ZNF780A: variants seen among roughly 807,000 people sequenced by gnomAD.
ZNF780A encodes zinc finger protein 780A.
A neutral mutation model predicts 56.7 loss-of-function variants in ZNF780A; 40 were observed. The ratio of observed to expected loss-of-function variants is 0.71; its 90% CI spans 0.55 to 0.92. ZNF780A has a LOEUF of 0.92. ZNF780A is among the 40% of genes least tolerant of loss of function. The probability of loss-of-function intolerance (pLI) is 0.00; values close to 1 mark genes in which losing one functional copy is unlikely to be tolerated. For missense variants in ZNF780A, 672 were observed against 783.3 expected (o/e 0.86, Z 1.70); for synonymous variants, 231 against 248.3 (o/e 0.93, Z 0.66).
At position 40,073,162 on chromosome 19, in the gene ZNF780A, A is replaced by C; in HGVS notation, c.*1354T>G. ...CAATGGTACAACAAATATACAAAAAATAAACGTGCAAATTGTTAACAATTT... is the reference window on the plus strand; with the variant it reads ...CAATGGTACAACAAATATACAAAAACTAAACGTGCAAATTGTTAACAATTT... On this transcript the variant is annotated 3_prime_UTR_variant, in exon 6 of 6. Transcript: ENST00000683561. The C allele has an allele frequency of 1.9e-6, 2 of 1,029,324 alleles. No individual in the cohort carries two copies. Among genetic ancestry groups the C allele is most frequent in the Non-Finnish European group, 2.5e-6 (2 of 791,556 alleles). 63.8% of individuals were successfully genotyped at this position (1,029,324 alleles called of 1,614,324 possible).
chr19:40,072,207 C>T (rs976165549), downstream of ZNF780A: 6 of 230,610 alleles, frequency 2.6e-5, no homozygotes, highest in Admixed American at 4.1e-5. Context: ...TCGAAGGCAC[C>T]CCTCCAGAGG....
chr19:40,076,342 A>G, intron 5 of ZNF780A, 133 bp from the exon 6 acceptor site: 2 of 890,802 alleles, frequency 2.2e-6, no homozygotes, highest in African/African-American at 3.4e-5. Context: ...AAACCAACAA[A>G]GTTGGTAGAT....
Position 40,076,023 on chromosome 19 carries a change from T to G in ZNF780A, c.419A>C (p.Gln140Pro), listed in dbSNP as rs1974115770. 1 of 1,613,386 alleles carries G rather than the reference T, an allele frequency of 6.2e-7. No individual in the cohort carries two copies. Among genetic ancestry groups the G allele is most frequent in the Admixed American group, 1.7e-5 (1 of 59,880 alleles). The change falls in exon 6 of 6, where the codon CAA becomes CCA. Residue 140 changes from glutamine to proline, a missense_variant. Transcript: ENST00000683561. ...LQGYQEGNIN[Q>P]KMISYEKLPT... ...CAGTTTTTCATAGCTGATCATCTTT[T>G]GATTGATATTTCCTTCTTGATATCC...
intron 5 of ZNF780A, 55 bp downstream of exon 5, chr19:40,081,764 G>A: frequency 6.9e-7 from 1 of 1,456,138 alleles, no homozygotes. Context: ...ACTCCTTTCT[G>A]AGCACATGTC....
In ZNF780A at chr19:40,074,195, G is replaced by A. The variant is rs141846160; in HGVS notation, c.*321C>T. 489 of 1,375,948 alleles carry A rather than the reference G, an allele frequency of 3.6e-4. 6 individuals carry two copies. The African/African-American group carries it at 6.2e-3, about 17-fold the overall frequency. 85.2% of individuals were successfully genotyped at this position (1,375,948 alleles called of 1,614,324 possible). A position where few individuals can be genotyped will look rare whatever the true frequency, so the allele number is the denominator to read the frequency against. On this transcript the variant is annotated 3_prime_UTR_variant, in exon 6 of 6. Coordinates refer to ENST00000683561, the MANE Select transcript of ZNF780A (RefSeq NM_001142578.2). ...ATTTCTCAAATTCAAATGGCTTCTC[G>A]CCAGTATGAATGACCTGAAGTCCAG...
In ZNF780A at chr19:40,074,254, A is replaced by G. The variant is rs191350184; in HGVS notation, c.*262T>C. On this transcript the variant is annotated 3_prime_UTR_variant, in exon 6 of 6. Coordinates refer to ENST00000683561, the MANE Select transcript of ZNF780A (RefSeq NM_001142578.2). ...GTCAGAAAACTGAAGGCCTTTCCAC[A>G]TTCTTTACATTCAAAGGGTTTTTTA... The G allele has an allele frequency of 8.9e-6, 13 of 1,464,340 alleles. No individual in the cohort carries two copies. The African/African-American group carries it at 1.3e-4, about 14-fold the overall frequency. 90.7% of individuals were successfully genotyped at this position (1,464,340 alleles called of 1,614,324 possible).
chr19:40,084,663 A>C (rs1974680057), intron 3 of ZNF780A, 82 bp downstream of exon 3: 2 of 1,405,390 alleles, frequency 1.4e-6, no homozygotes, highest in Non-Finnish European at 1.9e-6. Context: ...AATTCTAGGT[A>C]CGAAGCTTCA....
Position 40,074,876 on chromosome 19 carries a change from A to G in ZNF780A, c.1566T>C (p.Thr522=), listed in dbSNP as rs762634068. ...ATTCAAATGGTTTTTCACCTGTGTGAGTTTTCTGATGTTGGGAAAGTTGTA... is the reference window on the plus strand; with the variant it reads ...ATTCAAATGGTTTTTCACCTGTGTGGGTTTTCTGATGTTGGGAAAGTTGTA... The part of the protein sequence containing the change: ...LYLQLSQHQK[T]HTGEKPFECK... The change falls in exon 6 of 6, where the codon ACT becomes ACC. Residue 522 remains threonine (T), a synonymous_variant. Transcript: ENST00000683561. 2 of 1,614,046 alleles carry G rather than the reference A, an allele frequency of 1.2e-6. No individual in the cohort carries two copies. The highest frequency in any genetic ancestry group is 4.5e-5 in the East Asian group (2 of 44,856).
chr19:40,089,403 A>G, intron 2 of ZNF780A: 1 of 902,336 alleles, frequency 1.1e-6, no homozygotes, highest in East Asian at 2.9e-5. Context: ...ACATATTCCC[A>G]ATGCTCCTGT....
In ZNF780A at chr19:40,073,139, AT is replaced by A; in HGVS notation, c.*1376del. On this transcript the variant is annotated 3_prime_UTR_variant, in exon 6 of 6. Transcript: ENST00000683561. ...TCATGATGTCTAAAACTTATTCTCA[AT>A]GGTACAACAAATATACAAAAAATAA... is the stretch of plus-strand genomic sequence containing the variant. The A allele has an allele frequency of 8.7e-7, 1 of 1,151,428 alleles. No individual in the cohort carries two copies. Among genetic ancestry groups the A allele is most frequent in the Non-Finnish European group, 1.1e-6 (1 of 893,954 alleles). 71.3% of individuals were successfully genotyped at this position (1,151,428 alleles called of 1,614,324 possible).
Position 40,074,571 on chromosome 19 carries a change from A to G in ZNF780A, c.1871T>C (p.Leu624Pro). 1.9e-6 allele frequency: 3 copies of G among 1,614,034 alleles called. No homozygotes were observed. The highest frequency in any genetic ancestry group is 2.5e-6 in the Non-Finnish European group (3 of 1,179,974). ...ECKECGKVFS[L>P]PTQLNRHKNI... ...CTTATGGCGATTAAGCTGGGTGGGA[A>G]GACTAAAAACCTTTCCACATTCCTT... is the stretch of plus-strand genomic sequence containing the variant. The change falls in exon 6 of 6, where the codon CTT becomes CCT. Residue 624 changes from leucine (L) to proline (P), a missense_variant. Coordinates refer to ENST00000683561, the MANE Select transcript of ZNF780A (RefSeq NM_001142578.2).
chr19:40,089,614 C>A (rs1183736472), intron 2 of ZNF780A, among the ~76,000 whole-genome samples: 2 of 139,242 alleles, frequency 1.4e-5, no homozygotes, highest in African/African-American at 3.0e-5. Context: ...CTGCCTCTCA[C>A]AGTACACACA....
At position 40,074,404 on chromosome 19, in the gene ZNF780A, A is replaced by G. The variant is rs992548682; in HGVS notation, c.*112T>C. 6.4e-7 allele frequency: 1 copy of G among 1,551,728 alleles called. No homozygotes were observed. The highest frequency in any genetic ancestry group is 1.4e-5 in the African/African-American group (1 of 72,908). ...GATGCTGAATAACGTTTGAACCACA[A>G]ATGAAGCCTTTCCCACACCCCTTAC... On this transcript the variant is annotated 3_prime_UTR_variant, in exon 6 of 6. Transcript: ENST00000683561.
chr19:40,074,590 A>G lies in ZNF780A; in HGVS notation c.1852T>C (p.Cys618Arg), dbSNP rs750944600. ...TGEKPFECKECGKVFSLPTQL... is the reference protein window; with the variant it reads ...TGEKPFECKERGKVFSLPTQL... ...GTGGGAAGACTAAAAACCTTTCCACATTCCTTACATTCAAAGGGTTTCTCA... is the reference window on the plus strand; with the variant it reads ...GTGGGAAGACTAAAAACCTTTCCACGTTCCTTACATTCAAAGGGTTTCTCA... The change falls in exon 6 of 6, where the codon TGT (cysteine) becomes CGT (arginine). Residue 618 changes from cysteine (C) to arginine (R), a missense_variant. By Grantham distance (180) the Cys-to-Arg change is radical. Transcript: ENST00000683561. 36 of 1,614,066 alleles carry G rather than the reference A, an allele frequency of 2.2e-5. No individual in the cohort carries two copies. The highest frequency in any genetic ancestry group is 2.8e-5 in the Non-Finnish European group (33 of 1,179,996).
intron 5 of ZNF780A, 109 bp downstream of exon 5, chr19:40,081,710 T>A: frequency 3.4e-6 from 3 of 887,812 alleles, no homozygotes; most frequent in Non-Finnish European, 3.7e-6. Flanking sequence ...CAACAGGACT[T>A]GGGTCACTGA....
chr19:40,069,335 G>C (rs1973741151), downstream of ZNF780A: 1 of 152,344 alleles, frequency 6.6e-6, no homozygotes, highest in Non-Finnish European at 1.5e-5. Flanking sequence ...GGAGGTGCCA[G>C]GTTCTTTTGA....
chr19:40,085,568 A>G (rs1974747843), intron 2 of ZNF780A, among the ~76,000 whole-genome samples: 1 of 152,142 alleles, frequency 6.6e-6, no homozygotes, highest in Non-Finnish European at 1.5e-5. Context: ...TTGTAGCTCC[A>G]ATTTTCTTCT....
intron 4 of ZNF780A, among the ~76,000 whole-genome samples, chr19:40,082,822 A>G (rs927111976): frequency 3.9e-5 from 6 of 152,224 alleles, no homozygotes; most frequent in Non-Finnish European, 8.8e-5. Context: ...TGGTTCTTAG[A>G]CAATATCTTT....
At chr19:40,079,412 C>T (rs1599840486) in intron 5 of ZNF780A, among the ~76,000 whole-genome samples, 4 of 152,062 alleles carry the variant, frequency 2.6e-5, no homozygotes, top group Admixed American at 2.6e-4. Flanking sequence ...TTTCAACACC[C>T]CACTCTGAAT....
Sources: gnomAD v4.1 joint callset for allele counts (sites outside exome capture counted in the v4.1 genomes callset) on GRCh38, gnomAD v4.1.1 for gene constraint, MANE v1.5 for transcripts, NCBI Gene and HGNC (gene_info 2026-07-23, HGNC 2026-07-21) for gene names.